Variants in MMP26 observed in about 807,000 individuals in gnomAD.
MMP26 encodes the protein matrix metallopeptidase 26.
A neutral mutation model predicts 31.0 loss-of-function variants in MMP26; 33 were observed. The observed-to-expected ratio is 1.06, with a 90% CI of 0.81 to 1.42. MMP26 has a LOEUF of 1.42. MMP26 is among the 40% of genes most tolerant of loss of function. The pLI is 0.00. For synonymous variants in MMP26, 122 were observed against 114.9 expected (o/e 1.06, Z -0.40); for missense variants, 347 against 316.1 (o/e 1.10, Z -0.74).
intron 2 of MMP26, chr11:4,847,981 A>C: frequency 2.3e-6 from 1 of 438,418 alleles, no homozygotes; most frequent in South Asian, 5.2e-5. Context: ...ACACTTGGAT[A>C]GTTGTGACAA....
intron 2 of MMP26, among the ~76,000 whole-genome samples, chr11:4,968,375 A>G (rs1267019634): frequency 6.6e-6 from 1 of 152,082 alleles, no homozygotes; most frequent in Non-Finnish European, 1.5e-5. Flanking sequence ...GTGAAAGAAC[A>G]AATCCTTTGA....
rs539525693 is a variant in MMP26, at chr11:4,859,355, A to T, written c.-145+92014A>T. Reference sequence around the variant, plus strand: ...TGATAATTTGTTCTCACTGATGCTCATCTCCCGTGTCATAGAAAAGTGTGA... The same window carrying T: ...TGATAATTTGTTCTCACTGATGCTCTTCTCCCGTGTCATAGAAAAGTGTGA... On this transcript the variant is annotated intron_variant, in intron 2 of 7. Coordinates refer to ENST00000380390, the MANE Select transcript of MMP26 (RefSeq NM_021801.5). Among the ~76,000 whole-genome samples, 44 of 152,330 alleles carry T rather than the reference A, an allele frequency of 2.9e-4. 1 individual carries two copies. In the South Asian group the frequency reaches 8.3e-3, roughly 29 times the overall value.
intron 1 of MMP26, among the ~76,000 whole-genome samples, chr11:4,735,964 G>T (rs1280832110): frequency 6.6e-6 from 1 of 151,802 alleles, no homozygotes; most frequent in Non-Finnish European, 1.5e-5. Context: ...ATATTTCATT[G>T]TTCATTCCTT....
At chr11:4,783,421 C>G (rs1328147195) in intron 2 of MMP26, among the ~76,000 whole-genome samples, 1 of 152,194 alleles carries the variant, frequency 6.6e-6, no homozygotes, top group Non-Finnish European at 1.5e-5. Context: ...TGTATTTACC[C>G]AATGCCTGTA....
chr11:4,822,246 C>A lies in MMP26; in HGVS notation c.-145+54905C>A, dbSNP rs200352290. 4 of 1,574,524 alleles carry A rather than the reference C, an allele frequency of 2.5e-6. No individual in the cohort carries two copies. The highest frequency in any genetic ancestry group is 2.6e-6 in the Non-Finnish European group (3 of 1,158,162). ...GCCATTCAGCACCTCCATTTGTCCA[C>A]ATCATCATGGCCAATGTCTTTCTGC... On this transcript the variant is annotated intron_variant, in intron 2 of 7. Transcript: ENST00000380390.
At chr11:4,914,657 TTA>T (rs1418083145) in intron 2 of MMP26, 13 of 1,106,872 alleles carry the variant, frequency 1.2e-5, no homozygotes, top group Non-Finnish European at 1.7e-5. Context: ...ATGTTAGAAA[TTA>T]TAAAGGATAG....
At chr11:4,990,518 C>G in intron 4 of MMP26, 80 bp from the exon 5 acceptor site, 3 of 1,344,280 alleles carry the variant, frequency 2.2e-6, no homozygotes, top group Non-Finnish European at 3.0e-6. Context: ...TGATTCTCCC[C>G]AAAGTAGAAT....
rs373040309 is a variant in MMP26, at chr11:4,830,114, G to A, written c.-145+62773G>A. On this transcript the variant is annotated intron_variant, in intron 2 of 7. Coordinates refer to ENST00000380390, the MANE Select transcript of MMP26 (RefSeq NM_021801.5). ...CTCAGGAGGGTGTTCCTCGGCTAAA[G>A]GAGAGTATGAAGATATAAACAAAGG... 37 of 152,306 alleles carry A rather than the reference G, an allele frequency of 2.4e-4. No individual in the cohort carries two copies. In the East Asian group the frequency reaches 6.8e-3, roughly 28 times the overall value. 9.4% of individuals were successfully genotyped at this position (152,306 alleles called of 1,614,324 possible). A position where few individuals can be genotyped will look rare whatever the true frequency, so the allele number is the denominator to read the frequency against.
intron 2 of MMP26, among the ~76,000 whole-genome samples, chr11:4,843,225 T>C (rs143919978): frequency 1.3e-5 from 2 of 152,300 alleles, no homozygotes; most frequent in Non-Finnish European, 2.9e-5. Flanking sequence ...GGCTCTCTTC[T>C]CACAGATCCA....
At chr11:4,705,869 T>G (rs1382242120) in intron 1 of MMP26, among the ~76,000 whole-genome samples, 1 of 151,138 alleles carries the variant, frequency 6.6e-6, no homozygotes, top group Non-Finnish European at 1.5e-5. Context: ...GTACCTGTAG[T>G]CCTAGCTACT....
intron 2 of MMP26, among the ~76,000 whole-genome samples, chr11:4,869,043 T>C (rs1388591380): frequency 2.0e-5 from 3 of 152,202 alleles, no homozygotes; most frequent in Non-Finnish European, 4.4e-5. Context: ...GGATCCTTCC[T>C]TACACCTTAT....
intron 2 of MMP26, among the ~76,000 whole-genome samples, chr11:4,927,690 G>C (rs960512245): frequency 6.6e-6 from 1 of 152,060 alleles, no homozygotes; most frequent in African/African-American, 2.4e-5. Context: ...CCAGAGCTCA[G>C]GTTTGATGGT....
At chr11:4,881,372 C>T (rs1420095478) in intron 2 of MMP26, among the ~76,000 whole-genome samples, 1 of 152,036 alleles carries the variant, frequency 6.6e-6, no homozygotes, top group Non-Finnish European at 1.5e-5. Context: ...ACTTTTGCAC[C>T]CCCAAATGCC....
chr11:4,940,315 T>C (rs1490378907), intron 2 of MMP26, among the ~76,000 whole-genome samples: 1 of 152,140 alleles, frequency 6.6e-6, no homozygotes, highest in African/African-American at 2.4e-5. Flanking sequence ...CCCAGACACA[T>C]ACTGCCCACC....
At chr11:4,915,663 T>C in intron 2 of MMP26, 1 of 1,607,026 alleles carries the variant, frequency 6.2e-7, no homozygotes. Context: ...CCCAGGGTCA[T>C]TGTGTGAGGA....
intron 2 of MMP26, among the ~76,000 whole-genome samples, chr11:4,807,905 G>A (rs1849299616): frequency 6.6e-6 from 1 of 152,004 alleles, no homozygotes; most frequent in African/African-American, 2.4e-5. Flanking sequence ...TCTGGGTTTA[G>A]GTGATCCTCC....
In MMP26 at chr11:4,991,399, G is replaced by A. The variant is rs763036862; in HGVS notation, c.498G>A (p.Gly166=). The part of the protein sequence containing the change: ...WAHEDGWPFD[G]PGGILGHAFL... ...ATGAAGATGGTTGGCCCTTTGATGG[G>A]CCAGGTGGTATCTTAGGCCATGCCT... is the stretch of plus-strand genomic sequence containing the variant. Residue 166 remains glycine, a synonymous_variant, in exon 6 of 8, where the codon GGG becomes GGA. Coordinates refer to ENST00000380390, the MANE Select transcript of MMP26 (RefSeq NM_021801.5). The A allele has an allele frequency of 6.2e-7, 1 of 1,613,720 alleles. No homozygotes were observed. Among genetic ancestry groups the A allele is most frequent in the African/African-American group, 1.3e-5 (1 of 74,914 alleles).
chr11:4,759,566 A>G (rs76190454), intron 1 of MMP26, among the ~76,000 whole-genome samples: 3,320 of 152,282 alleles, frequency 0.022, 118 homozygotes, highest in African/African-American at 0.074. Flanking sequence ...AAGGTAATAA[A>G]CAATGTTTAT....
At chr11:4,803,344 G>A (rs1849209053) in intron 2 of MMP26, 1 of 918,050 alleles carries the variant, frequency 1.1e-6, no homozygotes, top group African/African-American at 1.7e-5. Flanking sequence ...AGCTGACTTA[G>A]TGATAATAAG....
Sources: gnomAD v4.1 joint callset for allele counts (sites outside exome capture counted in the v4.1 genomes callset) on GRCh38, gnomAD v4.1.1 for gene constraint, MANE v1.5 for transcripts, NCBI Gene and HGNC (gene_info 2026-07-23, HGNC 2026-07-21) for gene names.